ZFHX3: variants seen among roughly 807,000 people sequenced by gnomAD.
The protein encoded by ZFHX3 is zinc finger homeobox protein 3.
In ZFHX3, 42 loss-of-function variants were observed where a neutral mutation model predicts 279.1. The ratio of observed to expected loss-of-function variants is 0.15; its 90% CI spans 0.12 to 0.19. ZFHX3 has a LOEUF of 0.19. ZFHX3 is among the 10% of genes least tolerant of loss of function. The pLI, the probability that ZFHX3 is intolerant of heterozygous loss-of-function variation, is 1.00. For synonymous variants in ZFHX3, 2,293 were observed against 1,957.8 expected, an observed-to-expected ratio of 1.17 and a Z score of -4.52; for missense variants, 4,981 against 4,754.0, an observed-to-expected ratio of 1.05 and a Z score of -1.40.
chr16:72,895,115 C>A (rs1045226568), intron 3 of ZFHX3, among the ~76,000 whole-genome samples: 5 of 152,312 alleles, frequency 3.3e-5, no homozygotes, highest in Middle Eastern at 3.4e-3. Context: ...ACACGAGACA[C>A]TGCATGCACG....
intron 1 of ZFHX3, among the ~76,000 whole-genome samples, chr16:73,738,843 G>A (rs2053629941): frequency 6.6e-6 from 1 of 152,128 alleles, no homozygotes; most frequent in Non-Finnish European, 1.5e-5. Flanking sequence ...GATTCCTGCT[G>A]AGGAGGCACC....
At chr16:73,741,481 G>A (rs570602468) in intron 1 of ZFHX3, among the ~76,000 whole-genome samples, 3 of 152,242 alleles carry the variant, frequency 2.0e-5, no homozygotes, top group African/African-American at 7.2e-5. Flanking sequence ...TGCTGCACGT[G>A]TGCTTAAGAC....
At chr16:73,045,354 C>T (rs1965255189) in intron 1 of ZFHX3, among the ~76,000 whole-genome samples, 1 of 152,210 alleles carries the variant, frequency 6.6e-6, no homozygotes, top group Admixed American at 6.5e-5. Flanking sequence ...TAGCAAGCAT[C>T]ATTTAAAGTC....
At chr16:73,759,827 A>G (rs1044019058) in intron 1 of ZFHX3, among the ~76,000 whole-genome samples, 8 of 151,990 alleles carry the variant, frequency 5.3e-5, no homozygotes, top group Non-Finnish European at 7.4e-5. Flanking sequence ...TTCCAAAGGC[A>G]GAATTTTGCT....
intron 8 of ZFHX3, among the ~76,000 whole-genome samples, chr16:73,074,668 C>T (rs1965865454): frequency 7.2e-6 from 1 of 139,708 alleles, no homozygotes; most frequent in Non-Finnish European, 1.6e-5. Flanking sequence ...TAGTTCTGGG[C>T]ATACAGACAT....
intron 4 of ZFHX3, among the ~76,000 whole-genome samples, chr16:73,291,007 G>T (rs2014754678): frequency 6.6e-6 from 1 of 152,156 alleles, no homozygotes; most frequent in African/African-American, 2.4e-5. Flanking sequence ...GATCAGGAGG[G>T]CTTAGAAGAT....
intron 6 of ZFHX3, among the ~76,000 whole-genome samples, chr16:73,142,208 T>C (rs1165432195): frequency 6.6e-6 from 1 of 152,226 alleles, no homozygotes; most frequent in East Asian, 1.9e-4. Flanking sequence ...CATTAGCCCA[T>C]GATGACCTTG....
chr16:73,657,810 G>A (rs550217958), intron 2 of ZFHX3, among the ~76,000 whole-genome samples: 12 of 152,232 alleles, frequency 7.9e-5, no homozygotes, highest in Middle Eastern at 3.4e-3. Context: ...ATAGTATTCC[G>A]TTGTATGGAT....
intron 1 of ZFHX3, among the ~76,000 whole-genome samples, chr16:73,838,735 T>C (rs1199114924): frequency 6.7e-6 from 1 of 150,042 alleles, no homozygotes; most frequent in Non-Finnish European, 1.5e-5. Flanking sequence ...TGCTACTGTG[T>C]GTGTGTGCGC....
At chr16:72,835,614 G>T (rs1001986657) in intron 4 of ZFHX3, among the ~76,000 whole-genome samples, 18 of 152,112 alleles carry the variant, frequency 1.2e-4, no homozygotes, top group Non-Finnish European at 2.6e-4. Flanking sequence ...ACTGAAGCAG[G>T]TGGGAAAGGC....
chr16:72,794,790 C>T lies in ZFHX3; in HGVS notation c.7892G>A (p.Ser2631Asn). 1 of 1,614,206 alleles carries T rather than the reference C, an allele frequency of 6.2e-7. No homozygotes were observed. Among genetic ancestry groups the T allele is most frequent in the Non-Finnish European group, 8.5e-7 (1 of 1,180,040 alleles). ...KASASPGENDSGTGGEEPQRD... is the reference protein window; with the variant it reads ...KASASPGENDNGTGGEEPQRD... ...CTGAGGCTCTTCTCCTCCTGTCCCA[C>T]TGTCGTTTTCGCCAGGGCTTGCACT... The change falls in exon 9 of 10, where the codon AGT (serine) becomes AAT (asparagine). Residue 2631 changes from serine (S) to asparagine (N), a missense_variant. By Grantham distance (46) the Ser-to-Asn change is conservative (BLOSUM62 1). Around this residue, in one of 7 missense-constraint regions of ZFHX3, gnomAD observed 744 missense variants for 701.3 expected, o/e 1.06. Transcript: ENST00000268489. The surrounding 1 kb of genome is among the most constrained non-coding windows in gnomAD (Gnocchi z 4.2).
At chr16:72,994,360 G>T (rs1489759775) in intron 1 of ZFHX3, among the ~76,000 whole-genome samples, 1 of 152,212 alleles carries the variant, frequency 6.6e-6, no homozygotes, top group African/African-American at 2.4e-5. Flanking sequence ...CCTTCAGAAG[G>T]ATTCTTGTCT....
At chr16:73,713,628 CTT>C (rs113612111) in intron 1 of ZFHX3, among the ~76,000 whole-genome samples, 1,620 of 146,836 alleles carry the variant, frequency 0.011, 38 homozygotes, top group African/African-American at 0.038. Flanking sequence ...AAGATATTAG[CTT>C]TTTTTTTTTT....
At chr16:72,933,728 G>A (rs1472567870) in intron 3 of ZFHX3, among the ~76,000 whole-genome samples, 1 of 151,418 alleles carries the variant, frequency 6.6e-6, no homozygotes, top group Non-Finnish European at 1.5e-5. Context: ...AATAGATCAC[G>A]TGAGCAGACT....
intron 7 of ZFHX3, among the ~76,000 whole-genome samples, chr16:72,805,754 C>T (rs552708374): frequency 6.6e-6 from 1 of 152,308 alleles, no homozygotes; most frequent in African/African-American, 2.4e-5. Flanking sequence ...CAAACCAGGG[C>T]GCCTCTTGCC....
At chr16:73,055,045 A>G (rs574063226) in intron 1 of ZFHX3, among the ~76,000 whole-genome samples, 287 of 86,936 alleles carry the variant, frequency 3.3e-3, no homozygotes, top group Non-Finnish European at 5.8e-3. Flanking sequence ...AAAGGGAGAG[A>G]AAAAAAAAAA....
intron 3 of ZFHX3, among the ~76,000 whole-genome samples, chr16:73,351,331 T>G (rs2016237530): frequency 6.6e-6 from 1 of 152,192 alleles, no homozygotes; most frequent in Admixed American, 6.5e-5. Flanking sequence ...GCTGAGTGGC[T>G]TTCCGAACAA....
At position 73,595,678 on chromosome 16, in the gene ZFHX3, G is replaced by C. The variant is rs537410027; in HGVS notation, c.-1547+84502C>G. Among the ~76,000 whole-genome samples the C allele has an allele frequency of 4.6e-5, 7 of 152,156 alleles. No individual in the cohort carries two copies. The South Asian group carries it at 1.5e-3, about 32-fold the overall frequency. On this transcript the variant is annotated intron_variant, in intron 2 of 17. Coordinates refer to the ZFHX3 transcript ENST00000641206. ...ATTATCTTGACTGATACCCAAATTT[G>C]TGTCACTTTACGGGTATCTCTTCTT...
chr16:73,742,932 A>C (rs147803781), intron 1 of ZFHX3, among the ~76,000 whole-genome samples: 5 of 152,332 alleles, frequency 3.3e-5, no homozygotes, highest in Non-Finnish European at 5.9e-5. Flanking sequence ...AAAAGTTGTC[A>C]TTATTTATGT....
Sources: allele counts gnomAD v4.1 joint callset (sites outside exome capture counted in the v4.1 genomes callset), GRCh38; gene constraint gnomAD v4.1.1; regional missense constraint gnomAD v4.1.1; non-coding constraint Gnocchi (gnomAD v3.1); transcripts MANE v1.5; gene names NCBI Gene and HGNC (gene_info 2026-07-23, HGNC 2026-07-21).